Variants in MFAP3 observed in about 807,000 individuals in gnomAD.
MFAP3 encodes the protein microfibril-associated glycoprotein 3.
MFAP3 carries 8 observed loss-of-function variants against 20.5 expected under a neutral mutation model. That is an observed-to-expected ratio of 0.39 (90% confidence interval 0.23 to 0.70). The LOEUF is 0.70. Among genes scored for constraint, MFAP3 ranks in the 30% least tolerant of loss-of-function variants. The pLI, the probability that MFAP3 is intolerant of heterozygous loss-of-function variation, is 0.44. For synonymous variants in MFAP3, 140 were observed against 154.0 expected (o/e 0.91, Z 0.67); for missense variants, 398 against 444.6 (o/e 0.90, Z 0.94).
intron 1 of MFAP3, among the ~76,000 whole-genome samples, chr5:154,046,938 A>G (rs1162425015): frequency 2.0e-5 from 3 of 152,074 alleles, no homozygotes; most frequent in African/African-American, 7.2e-5. Context: ...CAGCTTCCGG[A>G]GTCTATCTCC....
intron 1 of MFAP3, 113 bp from the exon 2 acceptor site, chr5:154,049,444 C>T (rs1581864578): frequency 5.8e-6 from 2 of 343,708 alleles, no homozygotes; most frequent in East Asian, 6.1e-5. Context: ...TCTAATTACT[C>T]CCCAATGTCA....
At chr5:154,046,330 C>T (rs1413060491) in intron 1 of MFAP3, among the ~76,000 whole-genome samples, 1 of 152,182 alleles carries the variant, frequency 6.6e-6, no homozygotes, top group Admixed American at 6.5e-5. Flanking sequence ...ATCCCTGTTG[C>T]ATAACATTAT....
At chr5:154,046,858 C>G (rs771916977) in intron 1 of MFAP3, among the ~76,000 whole-genome samples, 1 of 152,172 alleles carries the variant, frequency 6.6e-6, no homozygotes, top group Non-Finnish European at 1.5e-5. Context: ...GATCTGCCCA[C>G]GTTTGAGCCT....
chr5:154,047,394 A>G (rs1027777559), intron 1 of MFAP3, among the ~76,000 whole-genome samples: 1 of 152,242 alleles, frequency 6.6e-6, no homozygotes, highest in Non-Finnish European at 1.5e-5. Flanking sequence ...ACTGTTCAGT[A>G]TATGAAAATG....
chr5:154,050,251 A>G (rs193299378), intron 2 of MFAP3, among the ~76,000 whole-genome samples: 145 of 152,286 alleles, frequency 9.5e-4, no homozygotes, highest in African/African-American at 3.1e-3. Context: ...CATGATGACA[A>G]TGAGCTATTT....
intron 1 of MFAP3, among the ~76,000 whole-genome samples, chr5:154,042,630 C>G (rs1471097863): frequency 6.6e-6 from 1 of 152,098 alleles, no homozygotes; most frequent in Non-Finnish European, 1.5e-5. Context: ...TAGGGTAGTG[C>G]TAACAACCTG....
Position 154,053,360 on chromosome 5 carries a change from C to T in MFAP3, c.736C>T (p.Leu246=). ...AAGTGTCCCTCTTCCACCTCTTATTCTAAACTGTCGAGCCTTTGTTGAGGA... is the reference window on the plus strand; with the variant it reads ...AAGTGTCCCTCTTCCACCTCTTATTTTAAACTGTCGAGCCTTTGTTGAGGA... ...ARSVPLPPLI[L]NCRAFVEEMF... is the part of the protein sequence containing the mutation. Residue 246 remains leucine, a synonymous_variant, in exon 3 of 3, where the codon CTA becomes TTA. Transcript: ENST00000522782. The T allele has an allele frequency of 1.9e-6, 3 of 1,613,994 alleles. No individual in the cohort carries two copies. The highest frequency in any genetic ancestry group is 2.5e-6 in the Non-Finnish European group (3 of 1,179,958).
At position 154,050,967 on chromosome 5, in the gene MFAP3, A is replaced by G. The variant is rs184045229; in HGVS notation, c.295+950A>G. Among the ~76,000 whole-genome samples, 17 of 152,280 alleles carry G rather than the reference A, an allele frequency of 1.1e-4. No individual in the cohort carries two copies. In the East Asian group the frequency reaches 2.7e-3, roughly 24 times the overall value. On this transcript the variant is annotated intron_variant, in intron 2 of 2. Transcript: ENST00000522782. ...TAGGAAGATAGTGTAGCCTTCTGAA[A>G]TAGAAAAGGATATTGGTTATTCATA... is the stretch of plus-strand genomic sequence containing the variant.
rs1328091922 is a variant in MFAP3, at chr5:154,055,120, T to C, written c.*1407T>C. Reference sequence around the variant, plus strand: ...CAGCTACAGGAAGCGTGGTGCCATATAATTTTAAGAACTTGGCAGTGGAGC... The same window carrying C: ...CAGCTACAGGAAGCGTGGTGCCATACAATTTTAAGAACTTGGCAGTGGAGC... On this transcript the variant is annotated 3_prime_UTR_variant, in exon 3 of 3. Transcript: ENST00000522782. 1 of 167,094 alleles carries C rather than the reference T, an allele frequency of 6.0e-6. No homozygotes were observed. Among genetic ancestry groups the C allele is most frequent in the African/African-American group, 2.4e-5 (1 of 41,456 alleles). 10.4% of individuals were successfully genotyped at this position (167,094 alleles called of 1,614,324 possible). A position where few individuals can be genotyped will look rare whatever the true frequency, so the allele number is the denominator to read the frequency against.
At chr5:154,042,121 C>T (rs1043237019) in intron 1 of MFAP3, among the ~76,000 whole-genome samples, 3 of 152,134 alleles carry the variant, frequency 2.0e-5, no homozygotes, top group African/African-American at 7.2e-5. Flanking sequence ...CTAAGCTGTT[C>T]ATAAGCTGAA....
chr5:154,039,079 C>T (rs1772823299), intron 1 of MFAP3, 68 bp downstream of exon 1: 1 of 152,310 alleles, frequency 6.6e-6, no homozygotes, highest in Admixed American at 6.5e-5. Context: ...GAGTCGTAGC[C>T]TGTGGCTTGG....
intron 1 of MFAP3, among the ~76,000 whole-genome samples, chr5:154,045,561 G>A (rs1335575163): frequency 1.3e-5 from 2 of 152,092 alleles, no homozygotes; most frequent in Non-Finnish European, 2.9e-5. Context: ...TTCAATATCT[G>A]AAAGAACCAT....
chr5:154,049,221 A>G (rs1773126054), intron 1 of MFAP3, among the ~76,000 whole-genome samples: 1 of 152,196 alleles, frequency 6.6e-6, no homozygotes, highest in Admixed American at 6.5e-5. Flanking sequence ...AATGAAATAG[A>G]ATCATGGCAT....
chr5:154,039,590 C>T (rs1202209602), intron 1 of MFAP3, among the ~76,000 whole-genome samples: 2 of 152,082 alleles, frequency 1.3e-5, no homozygotes, highest in Admixed American at 1.3e-4. Context: ...TGTTTGGAAT[C>T]CAGTGGAAAA....
At chr5:154,048,354 TC>T (rs1303133633) in intron 1 of MFAP3, among the ~76,000 whole-genome samples, 1 of 152,180 alleles carries the variant, frequency 6.6e-6, no homozygotes, top group Non-Finnish European at 1.5e-5. Flanking sequence ...CATTCAACCA[TC>T]CTTTCAAGGG....
At chr5:154,045,801 C>G (rs550935643) in intron 1 of MFAP3, among the ~76,000 whole-genome samples, 1 of 152,220 alleles carries the variant, frequency 6.6e-6, no homozygotes, top group Non-Finnish European at 1.5e-5. Context: ...CTCTGCTACC[C>G]TGCTCTTATT....
chr5:154,048,538 T>A (rs1443043754), intron 1 of MFAP3, among the ~76,000 whole-genome samples: 3 of 152,200 alleles, frequency 2.0e-5, no homozygotes, highest in Admixed American at 6.6e-5. Flanking sequence ...TGGTGCTTTA[T>A]AAGACATAAA....
At chr5:154,052,470 A>G (rs1401759006) in intron 2 of MFAP3, among the ~76,000 whole-genome samples, 1 of 152,328 alleles carries the variant, frequency 6.6e-6, no homozygotes, top group East Asian at 1.9e-4. Context: ...AAAATTACTC[A>G]TAAAAATTTA....
At position 154,053,246 on chromosome 5, in the gene MFAP3, A is replaced by G. The variant is rs1162729962; in HGVS notation, c.622A>G (p.Ile208Val). The change falls in exon 3 of 3, where the codon ATC (isoleucine) becomes GTC (valine). Residue 208 changes from isoleucine (I) to valine (V), a missense_variant. By Grantham distance (29) the Ile-to-Val change is conservative. Coordinates refer to ENST00000522782, the MANE Select transcript of MFAP3 (RefSeq NM_005927.5). ...CTTTGAGATTGCAAAACGTATCCCC[A>G]TCATTACCTCAGCCAAAACTCTGGA... is the stretch of plus-strand genomic sequence containing the variant. ...KAFEIAKRIP[I>V]ITSAKTLELA... is the part of the protein sequence containing the mutation. The G allele has an allele frequency of 6.2e-7, 1 of 1,613,994 alleles. No individual in the cohort carries two copies.
Sources: gnomAD v4.1 joint callset for allele counts (sites outside exome capture counted in the v4.1 genomes callset) on GRCh38, gnomAD v4.1.1 for gene constraint, MANE v1.5 for transcripts, NCBI Gene and HGNC (gene_info 2026-07-23, HGNC 2026-07-21) for gene names.